RANBP2: variants seen among roughly 807,000 people sequenced by gnomAD.
The protein encoded by RANBP2 is E3 SUMO-protein ligase RanBP2.
Under a neutral mutation model 303.6 loss-of-function variants are expected in RANBP2, and 57 were observed. The observed-to-expected ratio is 0.19, with a 90% CI of 0.15 to 0.23. The LOEUF (loss-of-function observed/expected upper bound fraction) is 0.23, where lower values mean the gene tolerates loss of function less well. RANBP2 is among the 10% of genes least tolerant of loss of function. The pLI is 1.00. For synonymous variants in RANBP2, 1,167 were observed against 1,301.5 expected (o/e 0.90, Z 2.23); for missense variants, 3,138 against 3,780.8 (o/e 0.83, Z 4.46).
the RANBP2 span, among the ~76,000 whole-genome samples, chr2:109,682,898 G>A: frequency 6.6e-6 from 1 of 152,286 alleles, no homozygotes; most frequent in African/African-American, 2.4e-5. Flanking sequence ...CTTTGTCACA[G>A]ACCATTGTAT....
chr2:108,975,792 A>G, the RANBP2 span, among the ~76,000 whole-genome samples: 2,637 of 152,260 alleles, frequency 0.017, 43 homozygotes, highest in Middle Eastern at 0.034. Flanking sequence ...GTGCGGCATC[A>G]GGATGTCTTG....
intron 20 of RANBP2, among the ~76,000 whole-genome samples, chr2:108,771,008 G>A (rs1294668901): frequency 6.6e-6 from 1 of 152,098 alleles, no homozygotes; most frequent in African/African-American, 2.4e-5. Flanking sequence ...TTAGCCAGAA[G>A]TTCAGAACAG....
At chr2:109,659,956 G>A in the RANBP2 span, among the ~76,000 whole-genome samples, 3 of 152,226 alleles carry the variant, frequency 2.0e-5, no homozygotes, top group Non-Finnish European at 4.4e-5. Flanking sequence ...GGCCCATGCT[G>A]AGCAGCAGGT....
the RANBP2 span, among the ~76,000 whole-genome samples, chr2:109,195,415 C>G: frequency 2.3e-3 from 355 of 152,368 alleles, 2 homozygotes; most frequent in African/African-American, 7.9e-3. Context: ...CCTGCGGACA[C>G]CAGCGTCTGC....
At chr2:109,730,759 C>T in the RANBP2 span, among the ~76,000 whole-genome samples, 1 of 139,910 alleles carries the variant, frequency 7.1e-6, no homozygotes. Context: ...AGGGATCTCT[C>T]TGGGGTCTCT....
the RANBP2 span, among the ~76,000 whole-genome samples, chr2:109,163,218 G>A: frequency 6.6e-6 from 1 of 152,130 alleles, no homozygotes; most frequent in Admixed American, 6.5e-5. Flanking sequence ...TTTGGCACAA[G>A]CCCAGAACTA....
chr2:108,825,554 A>AT, the RANBP2 span, among the ~76,000 whole-genome samples: 6 of 152,176 alleles, frequency 3.9e-5, no homozygotes, highest in African/African-American at 1.4e-4. Context: ...ATATAAACAG[A>AT]TTCGTACAAT....
the RANBP2 span, among the ~76,000 whole-genome samples, chr2:109,038,276 T>G: frequency 2.0e-5 from 3 of 152,184 alleles, no homozygotes; most frequent in Non-Finnish European, 4.4e-5. Context: ...ATACAAATAT[T>G]AGCTCAAAAT....
the RANBP2 span, among the ~76,000 whole-genome samples, chr2:109,030,932 T>C: frequency 6.6e-6 from 1 of 152,040 alleles, no homozygotes; most frequent in African/African-American, 2.4e-5. Flanking sequence ...GGTAAAATGG[T>C]TTAATAATTG....
At chr2:109,474,250 G>C in the RANBP2 span, among the ~76,000 whole-genome samples, 11 of 152,186 alleles carry the variant, frequency 7.2e-5, no homozygotes, top group African/African-American at 2.4e-4. Context: ...TTTGTCTGCA[G>C]CAGTCCTTTT....
the RANBP2 span, among the ~76,000 whole-genome samples, chr2:108,845,534 T>G: frequency 1.3e-5 from 2 of 151,940 alleles, no homozygotes; most frequent in African/African-American, 4.8e-5. Context: ...TTAAGCATTC[T>G]GATCTGCAAC....
chr2:109,317,368 G>T, the RANBP2 span, among the ~76,000 whole-genome samples: 3 of 152,124 alleles, frequency 2.0e-5, no homozygotes, highest in Non-Finnish European at 4.4e-5. Flanking sequence ...GCCCCAGGGG[G>T]TGGAGGAGAG....
chr2:109,029,736 GC>G, the RANBP2 span, among the ~76,000 whole-genome samples: 1 of 152,062 alleles, frequency 6.6e-6, no homozygotes, highest in Non-Finnish European at 1.5e-5. Flanking sequence ...GCAGGACAGG[GC>G]CCCCCGGCAG....
chr2:109,613,392 C>T, the RANBP2 span: 2 of 324,422 alleles, frequency 6.2e-6, no homozygotes, highest in East Asian at 7.5e-5. Flanking sequence ...GGCTTTCTCC[C>T]GGCGGCAGGG....
the RANBP2 span, among the ~76,000 whole-genome samples, chr2:108,847,299 G>A: frequency 6.6e-6 from 1 of 152,288 alleles, no homozygotes; most frequent in South Asian, 2.1e-4. Context: ...TTTTGTAAAT[G>A]AAGTTTTCTC....
the RANBP2 span, among the ~76,000 whole-genome samples, chr2:108,820,618 G>A: frequency 6.6e-6 from 1 of 151,836 alleles, no homozygotes. Flanking sequence ...TCACGTTCAA[G>A]GGAGTTCTAT....
chr2:109,613,482 G>A, the RANBP2 span: 3 of 247,960 alleles, frequency 1.2e-5, no homozygotes, highest in East Asian at 8.1e-5. Context: ...CGTTATAGCC[G>A]TAAGAGACCC....
the RANBP2 span, chr2:108,911,186 A>G: frequency 7.5e-7 from 1 of 1,328,488 alleles, no homozygotes; most frequent in African/African-American, 1.5e-5. Flanking sequence ...CTTTCAGGGA[A>G]CCCTGAAATC....
chr2:109,168,113 C>T, the RANBP2 span, among the ~76,000 whole-genome samples: 4 of 152,124 alleles, frequency 2.6e-5, no homozygotes, highest in South Asian at 2.1e-4. Context: ...TTTTATGATG[C>T]GTTGAGTGCC....
Sources: allele counts gnomAD v4.1 joint callset (sites outside exome capture counted in the v4.1 genomes callset), GRCh38; gene constraint gnomAD v4.1.1; transcripts MANE v1.5; gene names NCBI Gene and HGNC (gene_info 2026-07-23, HGNC 2026-07-21).